The following FBXO15 variants were observed in gnomAD, a reference collection of about 807,000 sequenced individuals.
The protein encoded by FBXO15 is F-box only protein 15.
Under a neutral mutation model 49.5 loss-of-function variants are expected in FBXO15, and 30 were observed. The observed-to-expected ratio is 0.61, with a 90% CI of 0.45 to 0.82. FBXO15 has a LOEUF of 0.82. Among genes scored for constraint, FBXO15 ranks in the 40% least tolerant of loss-of-function variants. FBXO15 has a pLI of 0.00. For synonymous variants in FBXO15, 250 were observed against 232.7 expected (o/e 1.07, Z -0.68); for missense variants, 591 against 631.5 (o/e 0.94, Z 0.69).
At chr18:74,123,587 A>G in intron 7 of FBXO15, 77 bp from the exon 8 acceptor site, 1 of 1,472,802 alleles carries the variant, frequency 6.8e-7, no homozygotes, top group Non-Finnish European at 9.1e-7. Context: ...ATACTTTTTA[A>G]AAAATTACCA....
intron 2 of FBXO15, 34 bp downstream of exon 2, chr18:74,140,168 C>A (rs763095150): frequency 8.6e-6 from 13 of 1,518,102 alleles, no homozygotes; most frequent in Non-Finnish European, 1.2e-5. Context: ...TGCCTAGAGG[C>A]CCCCAAAAGT....
intron 1 of FBXO15, among the ~76,000 whole-genome samples, chr18:74,141,264 G>C (rs2145226910): frequency 6.6e-6 from 1 of 152,232 alleles, no homozygotes; most frequent in Admixed American, 6.5e-5. Context: ...AAATCATACA[G>C]CTCACAGCCT....
intron 3 of FBXO15, among the ~76,000 whole-genome samples, chr18:74,134,595 C>T (rs570674032): frequency 5.9e-5 from 9 of 152,132 alleles, no homozygotes; most frequent in Non-Finnish European, 2.9e-5. Context: ...GTCTCGATCT[C>T]CTGACCTCGT....
chr18:74,144,710 A>G (rs1352218423), intron 1 of FBXO15, among the ~76,000 whole-genome samples: 2 of 152,226 alleles, frequency 1.3e-5, no homozygotes, highest in African/African-American at 4.8e-5. Context: ...TAAATTATTT[A>G]ACATTTTCCC....
intron 8 of FBXO15, chr18:74,099,742 A>T (rs1023969776): frequency 6.6e-6 from 1 of 152,212 alleles, no homozygotes; most frequent in Admixed American, 6.5e-5. Context: ...GCAAATGGAC[A>T]CCAACAGCAA....
intron 8 of FBXO15, among the ~76,000 whole-genome samples, chr18:74,094,804 C>G (rs1381594202): frequency 6.6e-6 from 1 of 152,234 alleles, no homozygotes; most frequent in Non-Finnish European, 1.5e-5. Flanking sequence ...TGAAGCCAGG[C>G]AGTGACTTCT....
chr18:74,125,847 G>A, intron 6 of FBXO15, 128 bp downstream of exon 6: 1 of 1,294,896 alleles, frequency 7.7e-7, no homozygotes, highest in South Asian at 1.4e-5. Context: ...AAGTTGGTGA[G>A]ATGGTAAAAT....
chr18:74,114,956 C>G (rs1819547163), intron 8 of FBXO15, among the ~76,000 whole-genome samples: 1 of 152,152 alleles, frequency 6.6e-6, no homozygotes, highest in South Asian at 2.1e-4. Flanking sequence ...TATTCACTAT[C>G]AGGTAGTGCT....
At chr18:74,085,063 C>G (rs1366696111) in intron 8 of FBXO15, among the ~76,000 whole-genome samples, 1 of 151,960 alleles carries the variant, frequency 6.6e-6, no homozygotes, top group Non-Finnish European at 1.5e-5. Context: ...GTCCAATTAC[C>G]CAAACTTATC....
intron 8 of FBXO15, among the ~76,000 whole-genome samples, chr18:74,117,124 A>G (rs1914265170): frequency 6.6e-6 from 1 of 152,186 alleles, no homozygotes; most frequent in Non-Finnish European, 1.5e-5. Flanking sequence ...TTCTATTTGT[A>G]TAATACTTTT....
intron 3 of FBXO15, among the ~76,000 whole-genome samples, chr18:74,135,154 A>C (rs1226257143): frequency 1.3e-5 from 2 of 152,068 alleles, no homozygotes. Flanking sequence ...CTTCCTTCCT[A>C]GATCCACCCC....
intron 8 of FBXO15, among the ~76,000 whole-genome samples, chr18:74,120,517 G>T (rs1463412379): frequency 2.0e-5 from 3 of 152,096 alleles, no homozygotes; most frequent in Non-Finnish European, 2.9e-5. Context: ...GTAACAGAAA[G>T]ATCTCTAGAA....
At chr18:74,118,031 G>T (rs1914307982) in intron 8 of FBXO15, among the ~76,000 whole-genome samples, 1 of 149,374 alleles carries the variant, frequency 6.7e-6, no homozygotes. Flanking sequence ...TTTTGAGACA[G>T]GGTCTTGCTC....
chr18:74,095,951 A>G (rs1913251954), intron 8 of FBXO15, among the ~76,000 whole-genome samples: 1 of 152,188 alleles, frequency 6.6e-6, no homozygotes, highest in Admixed American at 6.5e-5. Context: ...GCCACAGAGA[A>G]GTGAAAGACC....
intron 9 of FBXO15, among the ~76,000 whole-genome samples, chr18:74,079,804 A>G (rs2145101559): frequency 6.6e-6 from 1 of 152,280 alleles, no homozygotes; most frequent in East Asian, 1.9e-4. Context: ...GAAGACGGAG[A>G]TTCTCATGGG....
In FBXO15 at chr18:74,074,796, A is replaced by C. The variant is rs1489530421; in HGVS notation, c.1264-1066T>G. ...TTGCACATGAATGTGTGGTCTGTAT[A>C]TGCCCATACCGCAGTGGATATGTAA... On this transcript the variant is annotated intron_variant, in intron 9 of 9. Coordinates refer to ENST00000419743, the MANE Select transcript of FBXO15 (RefSeq NM_001142958.2). The surrounding 1 kb of genome is among the most constrained non-coding windows in gnomAD (Gnocchi z 4.7). 2.6e-5 allele frequency among the ~76,000 whole-genome samples: 4 copies of C among 152,228 alleles called. No individual in the cohort carries two copies. The highest frequency in any genetic ancestry group is 2.0e-4 in the Admixed American group (3 of 15,280).
chr18:74,093,637 A>C (rs912077583), intron 8 of FBXO15, among the ~76,000 whole-genome samples: 36 of 152,230 alleles, frequency 2.4e-4, no homozygotes, highest in Non-Finnish European at 1.6e-4. Flanking sequence ...AGATTAAAGC[A>C]ATTTAGTCAC....
chr18:74,098,224 A>G (rs948561990), intron 8 of FBXO15: 1 of 152,178 alleles, frequency 6.6e-6, no homozygotes, highest in African/African-American at 2.4e-5. Flanking sequence ...AATATCCCCC[A>G]AAAATCACAC....
intron 8 of FBXO15, among the ~76,000 whole-genome samples, chr18:74,104,404 A>C (rs1353997962): frequency 6.6e-6 from 1 of 152,198 alleles, no homozygotes; most frequent in Admixed American, 6.5e-5. Context: ...AACAAGCAAC[A>C]AAGTGGCAGT....
Sources: allele counts gnomAD v4.1 joint callset (sites outside exome capture counted in the v4.1 genomes callset), GRCh38; gene constraint gnomAD v4.1.1; non-coding constraint Gnocchi (gnomAD v3.1); transcripts MANE v1.5; gene names NCBI Gene and HGNC (gene_info 2026-07-23, HGNC 2026-07-21).